DNAH5: variants seen among roughly 807,000 people sequenced by gnomAD.
DNAH5 encodes the protein axonemal beta dynein heavy chain 5.
Under a neutral mutation model 518.2 loss-of-function variants are expected in DNAH5, and 372 were observed. The ratio of observed to expected loss-of-function variants is 0.72; its 90% CI spans 0.66 to 0.78. DNAH5 has a LOEUF of 0.78. Ranked by LOEUF, DNAH5 falls within the 30% of genes least tolerant of loss-of-function variation. DNAH5 has a pLI of 0.00. For synonymous variants in DNAH5, 2,039 were observed against 2,025.9 expected (o/e 1.01, Z -0.17); for missense variants, 5,523 against 5,687.0 (o/e 0.97, Z 0.93).
chr5:13,914,439 T>C, intron 10 of DNAH5, 81 bp downstream of exon 10: 1 of 1,465,248 alleles, frequency 6.8e-7, no homozygotes, highest in Non-Finnish European at 9.4e-7. Context: ...AATGATATAA[T>C]AATTACAAAA....
chr5:13,842,433 A>AAGAGAGAGAGAGAG (rs756093950), intron 32 of DNAH5, among the ~76,000 whole-genome samples: 2 of 61,864 alleles, frequency 3.2e-5, no homozygotes, highest in Admixed American at 1.6e-4. Context: ...AAAAGAAAGA[A>AAGAGAGAGAGAGAG]AGAAAGAAAG....
chr5:13,898,222 A>G, intron 15 of DNAH5: 1 of 207,332 alleles, frequency 4.8e-6, no homozygotes, highest in East Asian at 1.1e-4. Flanking sequence ...TAAAGTCATG[A>G]TATAATGATA....
Position 13,708,253 on chromosome 5 carries a change from A to G in DNAH5, c.13208T>C (p.Val4403Ala). 1.2e-6 allele frequency: 2 copies of G among 1,614,130 alleles called. No homozygotes were observed. The highest frequency in any genetic ancestry group is 1.7e-6 in the Non-Finnish European group (2 of 1,180,014). The part of the protein sequence containing the change: ...LRQEIDRMQR[V>A]LSLVRSTLTE... ...GAGGGTGCTGCGGACAAGGCTGAGT[A>G]CCCTTTGCATTCTGTCTATTTCCTG... The change falls in exon 76 of 79, where the codon GTA becomes GCA. Residue 4403 changes from valine to alanine, a missense_variant. Physicochemically the swap from Val to Ala is moderately conservative, Grantham distance 64. Transcript: ENST00000265104.
chr5:13,896,816 C>A (rs1292758885), intron 15 of DNAH5: 3 of 152,104 alleles, frequency 2.0e-5, no homozygotes, highest in South Asian at 2.1e-4. Flanking sequence ...TCATATGTAA[C>A]CATGTCAATA....
At chr5:13,855,118 C>T (rs1767436643) in intron 30 of DNAH5, among the ~76,000 whole-genome samples, 1 of 152,042 alleles carries the variant, frequency 6.6e-6, no homozygotes, top group Admixed American at 6.6e-5. Flanking sequence ...CAGAATATTA[C>T]TCTGAACACC....
At chr5:13,983,041 C>A (rs1782797905) in intron 1 of DNAH5, among the ~76,000 whole-genome samples, 1 of 152,234 alleles carries the variant, frequency 6.6e-6, no homozygotes, top group Non-Finnish European at 1.5e-5. Flanking sequence ...TGGGAAAATA[C>A]TGATTGTCAA....
In DNAH5 at chr5:13,735,852, G is replaced by A. The variant is rs1443845070; in HGVS notation, c.11536C>T (p.Gln3846Ter). The change falls in exon 67 of 79, where the codon CAG becomes TAG. Residue 3846 changes from glutamine to a stop codon, truncating the protein, a stop_gained. Transcript: ENST00000265104. LOFTEE classifies it high-confidence loss of function. ...GAAAGGTCAAATAAGCCCAGAAACT[G>A]GCGAAGCGAAGTCTGATACATCTCA... is the stretch of plus-strand genomic sequence containing the variant. ...VNEMYQTSLR[Q>*]FLGLFDLSLA... is the part of the protein sequence containing the mutation. 1 of 1,614,144 alleles carries A rather than the reference G, an allele frequency of 6.2e-7. No individual in the cohort carries two copies. The highest frequency in any genetic ancestry group is 8.5e-7 in the Non-Finnish European group (1 of 1,179,998).
chr5:13,695,769 G>T (rs1741288486), intron 78 of DNAH5, among the ~76,000 whole-genome samples: 1 of 152,146 alleles, frequency 6.6e-6, no homozygotes, highest in Non-Finnish European at 1.5e-5. Context: ...AGGTGCCTAA[G>T]ATAGAGATGT....
chr5:13,870,666 G>C, intron 24 of DNAH5, 101 bp downstream of exon 24: 1 of 1,072,376 alleles, frequency 9.3e-7, no homozygotes, highest in Non-Finnish European at 1.4e-6. Flanking sequence ...TCTTGGTTTA[G>C]TAACCATTTA....
chr5:13,808,202 C>T (rs185365249), intron 46 of DNAH5, among the ~76,000 whole-genome samples: 71 of 145,672 alleles, frequency 4.9e-4, no homozygotes, highest in Admixed American at 8.4e-4. Flanking sequence ...TGCACTCTAA[C>T]CTGGGTGACA....
chr5:13,924,227 G>T (rs1375537593), intron 3 of DNAH5, among the ~76,000 whole-genome samples: 1 of 152,270 alleles, frequency 6.6e-6, no homozygotes, highest in East Asian at 1.9e-4. Context: ...TGCAGTCAGG[G>T]TCTTGTAGAG....
chr5:13,832,129 C>T (rs1763753941), intron 35 of DNAH5, among the ~76,000 whole-genome samples: 1 of 151,906 alleles, frequency 6.6e-6, no homozygotes, highest in Non-Finnish European at 1.5e-5. Context: ...GCACATGTAC[C>T]CCTGAACTTA....
chr5:13,771,588 G>A (rs1477151012), intron 55 of DNAH5, among the ~76,000 whole-genome samples: 3 of 152,140 alleles, frequency 2.0e-5, no homozygotes, highest in Admixed American at 1.3e-4. Flanking sequence ...CCAAATGGGG[G>A]ACCAATTCTA....
At chr5:14,008,443 T>C (rs1217651156) in intron 1 of DNAH5, among the ~76,000 whole-genome samples, 1 of 151,780 alleles carries the variant, frequency 6.6e-6, no homozygotes, top group African/African-American at 2.4e-5. Context: ...GGCAACATGG[T>C]GAAACCCCAT....
At chr5:13,823,858 T>C (rs891097903) in intron 39 of DNAH5, among the ~76,000 whole-genome samples, 4 of 152,236 alleles carry the variant, frequency 2.6e-5, no homozygotes, top group Non-Finnish European at 4.4e-5. Flanking sequence ...CACACACTTG[T>C]AGAGTTTACA....
At chr5:13,935,548 T>C (rs1778846541) in intron 1 of DNAH5, among the ~76,000 whole-genome samples, 1 of 152,244 alleles carries the variant, frequency 6.6e-6, no homozygotes, top group Non-Finnish European at 1.5e-5. Context: ...ACAAGTAATA[T>C]GAAGTCAATC....
rs191944394 is a variant in DNAH5 at position 13,922,026 on chromosome 5, C to T, written c.660+81G>A. ...TGAAACATAGAGGAATTAAGACCAT[C>T]TAAGAGAAGCATTACACACTTATGT... On this transcript the variant is annotated intron_variant, in intron 5 of 78. Coordinates refer to ENST00000265104, the MANE Select transcript of DNAH5 (RefSeq NM_001369.3). 4.6e-5 allele frequency: 67 copies of T among 1,442,694 alleles called. No individual in the cohort carries two copies. In the Middle Eastern group the frequency reaches 7.0e-4, roughly 15 times the overall value. 89.4% of individuals were successfully genotyped at this position (1,442,694 alleles called of 1,614,324 possible).
chr5:14,003,076 T>G (rs1236701267), intron 1 of DNAH5, among the ~76,000 whole-genome samples: 1 of 152,190 alleles, frequency 6.6e-6, no homozygotes, highest in Non-Finnish European at 1.5e-5. Context: ...ACTAGCATTT[T>G]TATAGCATTT....
chr5:13,764,920 C>A (rs566239354), intron 59 of DNAH5, among the ~76,000 whole-genome samples: 2 of 152,060 alleles, frequency 1.3e-5, no homozygotes, highest in Non-Finnish European at 2.9e-5. Flanking sequence ...TTAGACTCCG[C>A]CATTATTAAA....
Sources: allele counts gnomAD v4.1 joint callset (sites outside exome capture counted in the v4.1 genomes callset), GRCh38; gene constraint gnomAD v4.1.1; transcripts MANE v1.5; gene names NCBI Gene and HGNC (gene_info 2026-07-23, HGNC 2026-07-21).